Variants in KRTAP4-2 observed in about 807,000 individuals in gnomAD.
KRTAP4-2 encodes keratin-associated protein 4-2.
For synonymous variants in KRTAP4-2, 56 were observed against 63.5 expected (o/e 0.88, Z 0.56); for missense variants, 178 against 177.3 (o/e 1.00, Z -0.02).
At position 41,177,539 on chromosome 17, in the gene KRTAP4-2, G is replaced by A. The variant is rs1251127052; in HGVS notation, c.*215C>T. The A allele has an allele frequency of 5.8e-6, 4 of 694,850 alleles. No individual in the cohort carries two copies. In the Admixed American group the frequency reaches 9.0e-5, roughly 16 times the overall value. The allele number at this position is 694,850 out of a possible 1,614,324, so 43.0% of individuals were successfully genotyped here. A position where few individuals can be genotyped will look rare whatever the true frequency, so the allele number is the denominator to read the frequency against. ...TAGAGAGCAAATATTTCAATTCAGGGAACATGGGGTTGACATATTTCAGAG... is the reference window on the plus strand; with the variant it reads ...TAGAGAGCAAATATTTCAATTCAGGAAACATGGGGTTGACATATTTCAGAG... On this transcript the variant is annotated 3_prime_UTR_variant, in exon 1 of 1. Transcript: ENST00000377726.
chr17:41,178,031 C>A lies in KRTAP4-2; in HGVS notation c.134G>T (p.Cys45Phe), dbSNP rs1414496208. 6.2e-7 allele frequency: 1 copy of A among 1,612,646 alleles called. No individual in the cohort carries two copies. The highest frequency in any genetic ancestry group is 8.5e-7 in the Non-Finnish European group (1 of 1,179,426). The change falls in exon 1 of 1, where the codon TGC (cysteine) becomes TTC (phenylalanine). Residue 45 changes from cysteine to phenylalanine, a missense_variant. Cys to Phe is a radical substitution (Grantham distance 205). Coordinates refer to ENST00000377726, the MANE Select transcript of KRTAP4-2 (RefSeq NM_033062.4). The part of the protein sequence containing the change: ...CCRPSCCVSS[C>F]CRPQCCQSVC... ...AGACTGGCAGCACTGCGGTCTGCAG[C>A]AGCTGGACACACAGCAGCTGGGGCG...
Position 41,177,460 on chromosome 17 carries a change from C to A in KRTAP4-2, c.*294G>T. The A allele has an allele frequency of 2.0e-6, 1 of 507,172 alleles. No individual in the cohort carries two copies. Among genetic ancestry groups the A allele is most frequent in the Non-Finnish European group, 3.4e-6 (1 of 295,478 alleles). 31.4% of individuals were successfully genotyped at this position (507,172 alleles called of 1,614,324 possible). A position where few individuals can be genotyped will look rare whatever the true frequency, so the allele number is the denominator to read the frequency against. On this transcript the variant is annotated 3_prime_UTR_variant, in exon 1 of 1. Coordinates refer to ENST00000377726, the MANE Select transcript of KRTAP4-2 (RefSeq NM_033062.4). ...ATGCCCGTATATTATTTGTATGCCT[C>A]AAAAATTAAAATTTATTTAAGATAG...
rs1252358648 is a variant in KRTAP4-2 at position 41,178,189 on chromosome 17, G to T, written c.-25C>A. 6.3e-7 allele frequency: 1 copy of T among 1,595,794 alleles called. No homozygotes were observed. The highest frequency in any genetic ancestry group is 8.6e-7 in the Non-Finnish European group (1 of 1,168,916). ...TGGTGTCAGAGGGTGGAGGTTCTGG[G>T]TGGATTTCCAGGAAGGTGGGTTTGG... On this transcript the variant is annotated 5_prime_UTR_variant, in exon 1 of 1. Coordinates refer to ENST00000377726, the MANE Select transcript of KRTAP4-2 (RefSeq NM_033062.4).
chr17:41,177,919 C>T lies in KRTAP4-2; in HGVS notation c.246G>A (p.Val82=), dbSNP rs1166466311. 4 of 1,612,366 alleles carry T rather than the reference C, an allele frequency of 2.5e-6. No homozygotes were observed. The highest frequency in any genetic ancestry group is 2.7e-5 in the African/African-American group (2 of 74,352). Residue 82 remains valine (V), a synonymous_variant, in exon 1 of 1, where the codon GTG becomes GTA. Coordinates refer to ENST00000377726, the MANE Select transcript of KRTAP4-2 (RefSeq NM_033062.4). ...RTTCCRPSCC[V]SSCFRPQCCQ... is the part of the protein sequence containing the mutation. ...AGCACTGGGGTCTGAAGCAGCTGGACACACAGCAGCTGGGACGGCAGCAGG... is the reference window on the plus strand; with the variant it reads ...AGCACTGGGGTCTGAAGCAGCTGGATACACAGCAGCTGGGACGGCAGCAGG...
At position 41,177,911 on chromosome 17, in the gene KRTAP4-2, C is replaced by G. The variant is rs369625022; in HGVS notation, c.254G>C (p.Cys85Ser). Reference sequence around the variant, plus strand: ...AGACTGGCAGCACTGGGGTCTGAAGCAGCTGGACACACAGCAGCTGGGACG... The same window carrying G: ...AGACTGGCAGCACTGGGGTCTGAAGGAGCTGGACACACAGCAGCTGGGACG... ...CCRPSCCVSS[C>S]FRPQCCQSVY... Residue 85 changes from cysteine to serine, a missense_variant, in exon 1 of 1, where the codon TGC becomes TCC. Physicochemically the swap from Cys to Ser is moderately radical, Grantham distance 112 (BLOSUM62 -1). Transcript: ENST00000377726. The G allele has an allele frequency of 1.1e-5, 17 of 1,585,000 alleles. No homozygotes were observed. The African/African-American group carries it at 1.4e-4, about 13-fold the overall frequency.
rs980997893 is a variant in KRTAP4-2, at chr17:41,178,015, G to C, written c.150C>G (p.Cys50Trp). The C allele has an allele frequency of 6.2e-6, 10 of 1,606,084 alleles. No individual in the cohort carries two copies. Among genetic ancestry groups the C allele is most frequent in the African/African-American group, 4.0e-5 (3 of 74,880 alleles). Residue 50 changes from cysteine to tryptophan, a missense_variant, in exon 1 of 1, where the codon TGC becomes TGG. Physicochemically the swap from Cys to Trp is radical, Grantham distance 215 (BLOSUM62 -2). Transcript: ENST00000377726. ...CCVSSCCRPQ[C>W]CQSVCCQPTC... ...TGGGCTGGCAGCACACAGACTGGCA[G>C]CACTGCGGTCTGCAGCAGCTGGACA...
chr17:41,178,009 C>G lies in KRTAP4-2; in HGVS notation c.156G>C (p.Gln52His). ...AGCAGGTGGGCTGGCAGCACACAGACTGGCAGCACTGCGGTCTGCAGCAGC... is the reference window on the plus strand; with the variant it reads ...AGCAGGTGGGCTGGCAGCACACAGAGTGGCAGCACTGCGGTCTGCAGCAGC... ...VSSCCRPQCC[Q>H]SVCCQPTCCS... Residue 52 changes from glutamine (Q) to histidine (H), a missense_variant, in exon 1 of 1, where the codon CAG (glutamine) becomes CAC (histidine). Transcript: ENST00000377726. 1 of 1,600,816 alleles carries G rather than the reference C, an allele frequency of 6.2e-7. No individual in the cohort carries two copies. Among genetic ancestry groups the G allele is most frequent in the Non-Finnish European group, 8.5e-7 (1 of 1,172,970 alleles).
chr17:41,178,057 G>T lies in KRTAP4-2; in HGVS notation c.108C>A (p.Cys36Ter), dbSNP rs763613481. 2 of 1,613,744 alleles carry T rather than the reference G, an allele frequency of 1.2e-6. No homozygotes were observed. Residue 36 changes from cysteine to a stop codon, truncating the protein, a stop_gained, in exon 1 of 1, where the codon TGC (cysteine) becomes TGA (stop). Coordinates refer to ENST00000377726, the MANE Select transcript of KRTAP4-2 (RefSeq NM_033062.4). LOFTEE classifies it low-confidence loss of function (END_TRUNC). Reference protein sequence around the residue: ...CQTTCCRTTCCRPSCCVSSCC... With the variant: ...CQTTCCRTTC ...AGCTGGACACACAGCAGCTGGGGCG[G>T]CAGCAGGTGGTCCTGCAGCAGGTGG...
In KRTAP4-2 at chr17:41,177,923, C is replaced by A. The variant is rs1179821766; in HGVS notation, c.242G>T (p.Cys81Phe). 1.2e-6 allele frequency: 2 copies of A among 1,612,770 alleles called. No individual in the cohort carries two copies. The highest frequency in any genetic ancestry group is 4.5e-5 in the East Asian group (2 of 44,842). Residue 81 changes from cysteine to phenylalanine, a missense_variant, in exon 1 of 1, where the codon TGT (cysteine) becomes TTT (phenylalanine). Transcript: ENST00000377726. Reference sequence around the variant, plus strand: ...CTGGGGTCTGAAGCAGCTGGACACACAGCAGCTGGGACGGCAGCAGGTGGT... The same window carrying A: ...CTGGGGTCTGAAGCAGCTGGACACAAAGCAGCTGGGACGGCAGCAGGTGGT... Reference protein sequence around the residue: ...CRTTCCRPSCCVSSCFRPQCC... With the variant: ...CRTTCCRPSCFVSSCFRPQCC...
At position 41,177,803 on chromosome 17, in the gene KRTAP4-2, C is replaced by G. The variant is rs746850245; in HGVS notation, c.362G>C (p.Cys121Ser). 26 of 1,613,910 alleles carry G rather than the reference C, an allele frequency of 1.6e-5. No individual in the cohort carries two copies. The South Asian group carries it at 2.9e-4, about 18-fold the overall frequency. Residue 121 changes from cysteine to serine, a missense_variant, in exon 1 of 1, where the codon TGT (cysteine) becomes TCT (serine). Physicochemically the swap from Cys to Ser is moderately radical, Grantham distance 112. Transcript: ENST00000377726. The stretch of plus-strand genomic sequence containing the variant: ...GGTTGGGCGGCAGCAGGTGGACACA[C>G]AGCAGCTGGGGCGGTAGCAGGTGGT... ...CRTTCYRPSC[C>S]VSTCCRPTCS...
In KRTAP4-2 at chr17:41,177,849, C is replaced by T; in HGVS notation, c.316G>A (p.Gly106Ser). Residue 106 changes from glycine (G) to serine (S), a missense_variant, in exon 1 of 1, where the codon GGC becomes AGC. Transcript: ENST00000377726. ...GTGGTCCTGCAGCAGGTGGTCTGGC[C>T]ACAGCTGGGGCGGCAGCAGGTGGGC... ...CQPTCCRPSC[G>S]QTTCCRTTCY... is the part of the protein sequence containing the mutation. The T allele has an allele frequency of 1.3e-6, 2 of 1,551,022 alleles. No homozygotes were observed. The highest frequency in any genetic ancestry group is 2.3e-5 in the South Asian group (2 of 86,200).
Position 41,177,763 on chromosome 17 carries a change from A to G in KRTAP4-2, c.402T>C (p.Ser134=). ...AGTATAGGTGAGGGCATCAGCAGCAAGAGCCACTAGAGCAGGTTGGGCGGC... is the reference window on the plus strand; with the variant it reads ...AGTATAGGTGAGGGCATCAGCAGCAGGAGCCACTAGAGCAGGTTGGGCGGC... The part of the protein sequence containing the change: ...TCCRPTCSSG[S]CC The change falls in exon 1 of 1, where the codon TCT becomes TCC. Residue 134 remains serine (S), a synonymous_variant. Coordinates refer to ENST00000377726, the MANE Select transcript of KRTAP4-2 (RefSeq NM_033062.4). 6.2e-7 allele frequency: 1 copy of G among 1,613,602 alleles called. No homozygotes were observed. Among genetic ancestry groups the G allele is most frequent in the South Asian group, 1.1e-5 (1 of 91,008 alleles).
In KRTAP4-2 at chr17:41,177,511, TG is replaced by T; in HGVS notation, c.*242del. On this transcript the variant is annotated 3_prime_UTR_variant, in exon 1 of 1. Coordinates refer to ENST00000377726, the MANE Select transcript of KRTAP4-2 (RefSeq NM_033062.4). The stretch of plus-strand genomic sequence containing the variant: ...AGGAATAGCTCCATGTGATAAATTA[TG>T]GTAGAGAGCAAATATTTCAATTCAG... 1 of 622,650 alleles carries T rather than the reference TG, an allele frequency of 1.6e-6. No individual in the cohort carries two copies. Among genetic ancestry groups the T allele is most frequent in the Non-Finnish European group, 2.7e-6 (1 of 369,552 alleles). The allele number at this position is 622,650 out of a possible 1,614,324, so 38.6% of individuals were successfully genotyped here.
At position 41,177,668 on chromosome 17, in the gene KRTAP4-2, T is replaced by C. The variant is rs1250525003; in HGVS notation, c.*86A>G. On this transcript the variant is annotated 3_prime_UTR_variant, in exon 1 of 1. Coordinates refer to ENST00000377726, the MANE Select transcript of KRTAP4-2 (RefSeq NM_033062.4). ...CAAGAATTGGTTGGAACTGAGGTTG[T>C]CCAATTGGCCTTGCATGATTCAGTT... 9.7e-6 allele frequency: 15 copies of C among 1,550,690 alleles called. No homozygotes were observed. The highest frequency in any genetic ancestry group is 1.2e-5 in the South Asian group (1 of 80,366).
Position 41,177,619 on chromosome 17 carries a change from C to A in KRTAP4-2, c.*135G>T. 7.3e-7 allele frequency: 1 copy of A among 1,369,812 alleles called. No individual in the cohort carries two copies. Among genetic ancestry groups the A allele is most frequent in the South Asian group, 1.4e-5 (1 of 72,668 alleles). 84.9% of individuals were successfully genotyped at this position (1,369,812 alleles called of 1,614,324 possible). On this transcript the variant is annotated 3_prime_UTR_variant, in exon 1 of 1. Transcript: ENST00000377726. ...GGGTAGCAACATAGTGTTTGGTGAG[C>A]ATATTTGGAGGCCAAACTCAATCCA... is the stretch of plus-strand genomic sequence containing the variant.
In KRTAP4-2 at chr17:41,177,600, C is replaced by A; in HGVS notation, c.*154G>T. ...CTTGTATTCATTTGGTAGAGGGTAGCAACATAGTGTTTGGTGAGCATATTT... is the reference window on the plus strand; with the variant it reads ...CTTGTATTCATTTGGTAGAGGGTAGAAACATAGTGTTTGGTGAGCATATTT... On this transcript the variant is annotated 3_prime_UTR_variant, in exon 1 of 1. Transcript: ENST00000377726. 1.7e-6 allele frequency: 2 copies of A among 1,187,000 alleles called. No homozygotes were observed. Among genetic ancestry groups the A allele is most frequent in the Non-Finnish European group, 2.4e-6 (2 of 838,284 alleles). 73.5% of individuals were successfully genotyped at this position (1,187,000 alleles called of 1,614,324 possible). A position where few individuals can be genotyped will look rare whatever the true frequency, so the allele number is the denominator to read the frequency against.
chr17:41,177,563 A>G lies in KRTAP4-2; in HGVS notation c.*191T>C. 3 of 874,460 alleles carry G rather than the reference A, an allele frequency of 3.4e-6. No individual in the cohort carries two copies. Among genetic ancestry groups the G allele is most frequent in the Non-Finnish European group, 5.2e-6 (3 of 576,964 alleles). The allele number at this position is 874,460 out of a possible 1,614,324, so 54.2% of individuals were successfully genotyped here. On this transcript the variant is annotated 3_prime_UTR_variant, in exon 1 of 1. Coordinates refer to ENST00000377726, the MANE Select transcript of KRTAP4-2 (RefSeq NM_033062.4). ...GGAACATGGGGTTGACATATTTCAG[A>G]GAAAATTCAAACTTGTATTCATTTG... is the stretch of plus-strand genomic sequence containing the variant.
chr17:41,178,017 A>G lies in KRTAP4-2; in HGVS notation c.148T>C (p.Cys50Arg). ...GGCTGGCAGCACACAGACTGGCAGC[A>G]CTGCGGTCTGCAGCAGCTGGACACA... ...CCVSSCCRPQ[C>R]CQSVCCQPTC... Residue 50 changes from cysteine to arginine, a missense_variant, in exon 1 of 1, where the codon TGC (cysteine) becomes CGC (arginine). By Grantham distance (180) the Cys-to-Arg change is radical. Transcript: ENST00000377726. The G allele has an allele frequency of 6.2e-7, 1 of 1,606,038 alleles. No homozygotes were observed. The highest frequency in any genetic ancestry group is 1.1e-5 in the South Asian group (1 of 90,872).
rs755950060 is a variant in KRTAP4-2 at position 41,178,064 on chromosome 17, G to A, written c.101C>T (p.Thr34Ile). ...SCCQTTCCRT[T>I]CCRPSCCVSS... ...CACACAGCAGCTGGGGCGGCAGCAG[G>A]TGGTCCTGCAGCAGGTGGTCTGGCA... Residue 34 changes from threonine to isoleucine, a missense_variant, in exon 1 of 1, where the codon ACC becomes ATC. Transcript: ENST00000377726. 2 of 1,613,824 alleles carry A rather than the reference G, an allele frequency of 1.2e-6. No homozygotes were observed. Among genetic ancestry groups the A allele is most frequent in the African/African-American group, 1.3e-5 (1 of 74,986 alleles).
Sources: allele counts gnomAD v4.1 joint callset, GRCh38; gene constraint gnomAD v4.1.1; transcripts MANE v1.5; gene names NCBI Gene and HGNC (gene_info 2026-07-23, HGNC 2026-07-21).